The following HEMK2 variants were observed in gnomAD, a reference collection of about 807,000 sequenced individuals.
HEMK2 encodes methyltransferase HEMK2.
At chr21:28,866,170 A>AC in the HEMK2 span, among the ~76,000 whole-genome samples, 23 of 128,404 alleles carry the variant, frequency 1.8e-4, 1 homozygote, top group African/African-American at 7.0e-4. Context: ...ACAAACAAAA[A>AC]AAAAAACACA....
the HEMK2 span, among the ~76,000 whole-genome samples, chr21:28,625,651 C>CA: frequency 6.6e-6 from 1 of 151,954 alleles, no homozygotes; most frequent in African/African-American, 2.4e-5. Context: ...GTGGAGGTTG[C>CA]AGTAAGCTGG....
chr21:28,707,173 T>C, the HEMK2 span, among the ~76,000 whole-genome samples: 2 of 152,140 alleles, frequency 1.3e-5, no homozygotes, highest in Non-Finnish European at 2.9e-5. Context: ...AATAAACACA[T>C]TAAAGGTTAG....
At chr21:28,789,892 A>G in the HEMK2 span, among the ~76,000 whole-genome samples, 1 of 152,110 alleles carries the variant, frequency 6.6e-6, no homozygotes, top group African/African-American at 2.4e-5. Context: ...TCACTCACTC[A>G]CTCATAGAAA....
At chr21:28,617,411 G>A in the HEMK2 span, among the ~76,000 whole-genome samples, 2 of 152,238 alleles carry the variant, frequency 1.3e-5, no homozygotes, top group African/African-American at 4.8e-5. Flanking sequence ...TCATACTGAA[G>A]TCCCTTAATG....
chr21:28,882,239 A>G, the HEMK2 span: 107 of 1,611,594 alleles, frequency 6.6e-5, 1 homozygote, highest in East Asian at 1.5e-3. Flanking sequence ...CTCAGGGTTG[A>G]TATCAGTGCA....
the HEMK2 span, among the ~76,000 whole-genome samples, chr21:28,862,464 C>A: frequency 5.7e-5 from 8 of 140,962 alleles, no homozygotes; most frequent in African/African-American, 2.3e-4. Flanking sequence ...AAGGTGAAAC[C>A]CCGTCTCTAC....
chr21:28,678,123 T>A, the HEMK2 span, among the ~76,000 whole-genome samples: 2 of 152,080 alleles, frequency 1.3e-5, no homozygotes, highest in Admixed American at 6.6e-5. Flanking sequence ...TTTGAACCCA[T>A]GGCAAAGAAG....
At chr21:28,727,671 G>T in the HEMK2 span, among the ~76,000 whole-genome samples, 2 of 152,174 alleles carry the variant, frequency 1.3e-5, no homozygotes, top group Non-Finnish European at 2.9e-5. Context: ...TAATTTGTGG[G>T]GATGTTAAAA....
At chr21:28,795,606 C>T in the HEMK2 span, among the ~76,000 whole-genome samples, 13 of 152,296 alleles carry the variant, frequency 8.5e-5, no homozygotes, top group Middle Eastern at 3.4e-3. Context: ...AGGGAAAGGG[C>T]TCAGGAAAAA....
chr21:28,694,192 G>A, the HEMK2 span, among the ~76,000 whole-genome samples: 1 of 152,196 alleles, frequency 6.6e-6, no homozygotes, highest in Non-Finnish European at 1.5e-5. Context: ...AGTACACTCT[G>A]AGGCTTACTT....
the HEMK2 span, among the ~76,000 whole-genome samples, chr21:28,877,289 G>A: frequency 5.4e-5 from 5 of 93,314 alleles, no homozygotes; most frequent in Non-Finnish European, 7.0e-5. Context: ...AGGAAGGAAG[G>A]AAGGAAGGAA....
At chr21:28,866,175 A>AAAAAAAAAACAC in the HEMK2 span, among the ~76,000 whole-genome samples, 107 of 76,222 alleles carry the variant, frequency 1.4e-3, 3 homozygotes, top group African/African-American at 4.9e-3. Context: ...CAAAAAAAAA[A>AAAAAAAAAACAC]ACACACACAC....
At chr21:28,622,725 T>C in the HEMK2 span, among the ~76,000 whole-genome samples, 1 of 152,150 alleles carries the variant, frequency 6.6e-6, no homozygotes, top group African/African-American at 2.4e-5. Flanking sequence ...AAACAAGCAA[T>C]GGGAAAAGGA....
chr21:28,726,246 G>T, the HEMK2 span, among the ~76,000 whole-genome samples: 1 of 151,420 alleles, frequency 6.6e-6, no homozygotes, highest in Admixed American at 6.6e-5. Context: ...TTTTATTTGG[G>T]GAATTACCAT....
At chr21:28,867,169 A>G in the HEMK2 span, among the ~76,000 whole-genome samples, 3 of 152,240 alleles carry the variant, frequency 2.0e-5, no homozygotes, top group African/African-American at 7.2e-5. Context: ...TATTGACTAG[A>G]GTACCAACAG....
the HEMK2 span, among the ~76,000 whole-genome samples, chr21:28,697,503 C>T: frequency 6.6e-6 from 1 of 152,292 alleles, no homozygotes; most frequent in Admixed American, 6.5e-5. Flanking sequence ...TTTCCCACAT[C>T]TGCCTGTCTT....
At chr21:28,785,398 T>G in the HEMK2 span, among the ~76,000 whole-genome samples, 1 of 152,228 alleles carries the variant, frequency 6.6e-6, no homozygotes, top group Non-Finnish European at 1.5e-5. Flanking sequence ...ACTTTAAAAT[T>G]AGGCATGTTC....
chr21:28,746,223 G>A, the HEMK2 span, among the ~76,000 whole-genome samples: 1 of 152,162 alleles, frequency 6.6e-6, no homozygotes, highest in Non-Finnish European at 1.5e-5. Flanking sequence ...TTTATTTGGA[G>A]CTTTTTCTGT....
chr21:28,801,783 T>C, the HEMK2 span, among the ~76,000 whole-genome samples: 21 of 152,238 alleles, frequency 1.4e-4, no homozygotes, highest in African/African-American at 5.1e-4. Context: ...CAAATAGCTA[T>C]GAAACATACG....
Sources: allele counts gnomAD v4.1 joint callset (sites outside exome capture counted in the v4.1 genomes callset), GRCh38; gene constraint gnomAD v4.1.1; transcripts MANE v1.5; gene names NCBI Gene and HGNC (gene_info 2026-07-23, HGNC 2026-07-21).